The following NBPF9 variants were observed in gnomAD, a reference collection of about 807,000 sequenced individuals.
NBPF9 encodes the protein NBPF family member NBPF9.
A neutral mutation model predicts 97.8 loss-of-function variants in NBPF9; 91 were observed. That is an observed-to-expected ratio of 0.93 (90% CI 0.79 to 1.11). NBPF9 has a LOEUF of 1.11. Ranked by LOEUF, NBPF9 falls within the 50% of genes least tolerant of loss-of-function variation. The probability of loss-of-function intolerance (pLI) is 0.00; values close to 1 mark genes in which losing one functional copy is unlikely to be tolerated. For missense variants in NBPF9, 992 were observed against 939.5 expected, an observed-to-expected ratio of 1.06 and a Z score of -0.73; for synonymous variants, 334 against 359.5, an observed-to-expected ratio of 0.93 and a Z score of 0.80.
exon 7 of NBPF9, chr1:149,081,990 G>A (rs2080499914): frequency 6.2e-7 from 1 of 1,603,326 alleles, no homozygotes; most frequent in Non-Finnish European, 8.5e-7. Flanking sequence ...GGTTGGCCAG[G>A]AAGCCGGCCA....
rs1244530009 is a variant in NBPF9 at position 149,060,065 on chromosome 1, G to C, written c.2477-257C>G. 3.8e-5 allele frequency: 12 copies of C among 319,216 alleles called. 1 individual carries two copies. The highest frequency in any genetic ancestry group is 3.5e-4 in the East Asian group (9 of 25,566). The allele number at this position is 319,216 out of a possible 1,614,324, so 19.8% of individuals were successfully genotyped here. A position where few individuals can be genotyped will look rare whatever the true frequency, so the allele number is the denominator to read the frequency against. ...CATTGGTCCCAAATTTGTGCAAACA[G>C]TTATGCCATATTTTTCCAATCAATT... On this transcript the variant is annotated intron_variant, in intron 24 of 29. Transcript: ENST00000584027.
intron 8 of NBPF9, among the ~76,000 whole-genome samples, chr1:149,079,633 G>A (rs1402068023): frequency 1.1e-3 from 165 of 150,130 alleles, no homozygotes; most frequent in African/African-American, 3.7e-3. Context: ...TTGAAAAGAC[G>A]AAAGAAGAAA....
exon 12 of NBPF9, chr1:149,075,756 C>A (rs9442123): frequency 6.7e-6 from 8 of 1,200,978 alleles, no homozygotes; most frequent in Non-Finnish European, 9.4e-6. Flanking sequence ...CAGCTGGGGG[C>A]GCAATTTCTC....
At chr1:149,082,937 G>A (rs587766984) in intron 5 of NBPF9, among the ~76,000 whole-genome samples, 7 of 139,788 alleles carry the variant, frequency 5.0e-5, no homozygotes, top group African/African-American at 1.6e-4. Flanking sequence ...CCGCCACCAC[G>A]CCTGGCTAAT....
intron 5 of NBPF9, among the ~76,000 whole-genome samples, chr1:149,082,782 C>G (rs1349539698): frequency 1.1e-4 from 16 of 140,212 alleles, no homozygotes; most frequent in Admixed American, 1.1e-3. Context: ...CTTGTTTTGA[C>G]TTTTTTTTTT....
intron 29 of NBPF9, among the ~76,000 whole-genome samples, chr1:149,056,218 T>G (rs868937425): frequency 3.6e-5 from 4 of 109,890 alleles, no homozygotes; most frequent in African/African-American, 6.4e-5. Context: ...CAGCAAACTG[T>G]GATCATGAAA....
chr1:149,085,341 TTAC>T (rs2080903292), intron 5 of NBPF9, among the ~76,000 whole-genome samples: 1 of 152,222 alleles, frequency 6.6e-6, no homozygotes, highest in South Asian at 2.1e-4. Context: ...ACTTACACCA[TTAC>T]TACTGTTTTA....
chr1:149,076,018 C>G (rs2079835903), intron 11 of NBPF9, 154 bp from the exon 12 acceptor site: 1 of 680,572 alleles, frequency 1.5e-6, no homozygotes, highest in Admixed American at 2.4e-5. Context: ...TCTTGATCTC[C>G]TTTAAGTCAA....
At chr1:149,089,550 A>G (rs587609828) in intron 5 of NBPF9, among the ~76,000 whole-genome samples, 245 of 151,288 alleles carry the variant, frequency 1.6e-3, no homozygotes, top group Middle Eastern at 6.8e-3. Context: ...GTGGCATAAG[A>G]CAGGATGGAA....
In NBPF9 at chr1:149,073,981, C is replaced by T. The variant is rs1468313172; in HGVS notation, c.989-111G>A. 4 of 622,498 alleles carry T rather than the reference C, an allele frequency of 6.4e-6. No individual in the cohort carries two copies. In the East Asian group the frequency reaches 8.2e-5, roughly 13 times the overall value. The allele number at this position is 622,498 out of a possible 1,614,324, so 38.6% of individuals were successfully genotyped here. A position where few individuals can be genotyped will look rare whatever the true frequency, so the allele number is the denominator to read the frequency against. On this transcript the variant is annotated intron_variant, in intron 12 of 29. Transcript: ENST00000584027. ...CCCAAGGACAAAACTCTCCCCAGTA[C>T]CAGGGTCTAGACAGGGATTTCCACA...
chr1:149,101,481 C>T (rs1363899749), intron 2 of NBPF9, 102 bp from the exon 3 acceptor site: 1 of 151,978 alleles, frequency 6.6e-6, no homozygotes, highest in Non-Finnish European at 1.5e-5. Flanking sequence ...AAGGGAAATG[C>T]AATACATATA....
intron 18 of NBPF9, chr1:149,064,703 T>A (rs2078913417): frequency 3.2e-6 from 2 of 616,814 alleles, no homozygotes; most frequent in Non-Finnish European, 5.7e-6. Context: ...TGGAATGTTA[T>A]CTTCCCTATG....
rs1465255402 is a variant in NBPF9, at chr1:149,073,732, C to A, written c.1091+36G>T. The A allele has an allele frequency of 1.4e-4, 213 of 1,507,596 alleles. 2 individuals are homozygous for A. The highest frequency in any genetic ancestry group is 1.9e-4 in the Non-Finnish European group (206 of 1,089,578). 93.4% of individuals were successfully genotyped at this position (1,507,596 alleles called of 1,614,324 possible). On this transcript the variant is annotated intron_variant, in intron 13 of 29. Coordinates refer to ENST00000584027, the Ensembl canonical transcript of NBPF9. ...CTGCTGTACTTCAGAGATTTACACA[C>A]CTGCCCCCCTGCCTGCCCCCATGGG... is the stretch of plus-strand genomic sequence containing the variant.
At position 149,081,494 on chromosome 1, in the gene NBPF9, C is replaced by A. The variant is rs1286516494; in HGVS notation, c.175+471G>T. On this transcript the variant is annotated intron_variant, in intron 7 of 29. Transcript: ENST00000584027. ...GGAGCAGACTCCTCTTGAAGCCCCT[C>A]AGAGCAGGTACTGGCTACTATCACC... is the stretch of plus-strand genomic sequence containing the variant. Among the ~76,000 whole-genome samples the A allele has an allele frequency of 3.3e-5, 5 of 151,472 alleles. No individual in the cohort carries two copies. The East Asian group carries it at 7.8e-4, about 24-fold the overall frequency.
intron 5 of NBPF9, among the ~76,000 whole-genome samples, chr1:149,085,568 G>A (rs1183691798): frequency 6.6e-6 from 1 of 152,094 alleles, no homozygotes; most frequent in African/African-American, 2.4e-5. Context: ...TCCAATCAAT[G>A]AACATTATAT....
At chr1:149,075,668 C>A in exon 12 of NBPF9, 1 of 1,609,830 alleles carries the variant, frequency 6.2e-7, no homozygotes, top group Middle Eastern at 1.9e-4. Context: ...ATTTGTTCTG[C>A]TGGTTGGCCA....
At chr1:149,095,169 C>T (rs1425112779) in intron 4 of NBPF9, among the ~76,000 whole-genome samples, 1 of 148,606 alleles carries the variant, frequency 6.7e-6, no homozygotes, top group Non-Finnish European at 1.5e-5. Context: ...AGCAGGCCTA[C>T]ATACAGTCCA....
exon 14 of NBPF9, chr1:149,072,783 T>C (rs1553653269): frequency 1.3e-6 from 2 of 1,582,466 alleles, no homozygotes. Context: ...TTCTTGGAGG[T>C]CCTGCCCCTG....
At position 149,064,003 on chromosome 1, in the gene NBPF9, C is replaced by CACAT. The variant is rs2078837054; in HGVS notation, c.1854-199_1854-198insATGT. 4.5e-5 allele frequency among the ~76,000 whole-genome samples: 5 copies of CACAT among 109,918 alleles called. 1 individual carries two copies. The South Asian group carries it at 1.1e-3, about 25-fold the overall frequency. 72.1% of individuals were successfully genotyped at this position (109,918 alleles called of 152,430 possible). A position where few individuals can be genotyped will look rare whatever the true frequency, so the allele number is the denominator to read the frequency against. On this transcript the variant is annotated intron_variant, in intron 19 of 29. Coordinates refer to ENST00000584027, the Ensembl canonical transcript of NBPF9. ...AGGATGAAAGAGAAAGACACACACACACACACAGACACAGACACACACACA... is the reference window on the plus strand; with the variant it reads ...AGGATGAAAGAGAAAGACACACACACACATACACACAGACACAGACACACACACA...
Sources: gnomAD v4.1 joint callset for allele counts (sites outside exome capture counted in the v4.1 genomes callset) on GRCh38, gnomAD v4.1.1 for gene constraint, MANE v1.5 for transcripts, NCBI Gene and HGNC (gene_info 2026-07-23, HGNC 2026-07-21) for gene names.